Variants in ABCG2 observed in about 807,000 individuals in gnomAD.
ABCG2 encodes the protein ATP binding cassette subfamily G member 2 (JR blood group).
ABCG2 carries 80 observed loss-of-function variants against 73.5 expected under a neutral mutation model. The ratio of observed to expected loss-of-function variants is 1.09; its 90% CI spans 0.91 to 1.31. The LOEUF is 1.31. Among genes scored for constraint, ABCG2 ranks in the 50% most tolerant of loss-of-function variants. The pLI, the probability that ABCG2 is intolerant of heterozygous loss-of-function variation, is 0.00. For missense variants in ABCG2, 796 were observed against 786.2 expected (o/e 1.01, Z -0.15); for synonymous variants, 269 against 282.4 (o/e 0.95, Z 0.48).
Position 88,092,298 on chromosome 4 carries a change from C to G in ABCG2, c.1904G>C (p.Cys635Ser). Residue 635 changes from cysteine (C) to serine (S), a missense_variant, in exon 16 of 16, where the codon TGT becomes TCT. Coordinates refer to ENST00000237612, the MANE Select transcript of ABCG2 (RefSeq NM_004827.3). ...AATTGTGAGGAAAATAACAATCATA[C>G]AAGCCAAGGCCACGTGATTCTTCCA... ...GLWKNHVALA[C>S]MIVIFLTIAY... The G allele has an allele frequency of 6.2e-7, 1 of 1,613,340 alleles. No homozygotes were observed. Among genetic ancestry groups the G allele is most frequent in the Admixed American group, 1.7e-5 (1 of 59,934 alleles).
intron 10 of ABCG2, among the ~76,000 whole-genome samples, chr4:88,102,029 A>G (rs1371288456): frequency 6.6e-6 from 1 of 152,246 alleles, no homozygotes; most frequent in Non-Finnish European, 1.5e-5. Flanking sequence ...AAGTTGAACA[A>G]AGAATGTAAG....
chr4:88,165,689 C>T (rs760265427), intron 1 of ABCG2, among the ~76,000 whole-genome samples: 2 of 152,164 alleles, frequency 1.3e-5, no homozygotes, highest in Non-Finnish European at 2.9e-5. Flanking sequence ...GCCTGGCCAA[C>T]ATAGTGAAAC....
At chr4:88,225,244 G>C (rs147678040) in intron 1 of ABCG2, among the ~76,000 whole-genome samples, 157 of 152,242 alleles carry the variant, frequency 1.0e-3, no homozygotes, top group African/African-American at 3.5e-3. Context: ...CTACTCTGCC[G>C]TTATAGCACT....
Position 88,158,482 on chromosome 4 carries a change from G to A in ABCG2, c.-116C>T, listed in dbSNP as rs1727101225. On this transcript the variant is annotated 5_prime_UTR_variant, in exon 1 of 16. Coordinates refer to ENST00000237612, the MANE Select transcript of ABCG2 (RefSeq NM_004827.3). ...TAACAATTAAGGATGTAAATGTTGGGATGAGTCACCCGGACCTTCCAAACA... is the reference window on the plus strand; with the variant it reads ...TAACAATTAAGGATGTAAATGTTGGAATGAGTCACCCGGACCTTCCAAACA... 6.6e-6 allele frequency: 3 copies of A among 456,206 alleles called. No individual in the cohort carries two copies. The highest frequency in any genetic ancestry group is 1.3e-5 in the Non-Finnish European group (3 of 226,880). The allele number at this position is 456,206 out of a possible 1,614,324, so 28.3% of individuals were successfully genotyped here.
chr4:88,191,087 A>AC (rs1403020275), intron 1 of ABCG2, among the ~76,000 whole-genome samples: 3 of 148,880 alleles, frequency 2.0e-5, no homozygotes, highest in Non-Finnish European at 3.0e-5. Context: ...ATACACACAC[A>AC]AAAAAAAATT....
intron 11 of ABCG2, 47 bp from the exon 12 acceptor site, chr4:88,099,495 G>A: frequency 1.9e-6 from 3 of 1,544,496 alleles, no homozygotes; most frequent in Non-Finnish European, 2.6e-6. Context: ...AGTTTAAGAA[G>A]CCACAGGGCA....
At chr4:88,120,657 G>A (rs1723906438) in intron 6 of ABCG2, among the ~76,000 whole-genome samples, 1 of 152,170 alleles carries the variant, frequency 6.6e-6, no homozygotes. Context: ...TTTGGAACAG[G>A]TGTATTTACC....
At chr4:88,187,724 A>C (rs1578264756) in intron 1 of ABCG2, among the ~76,000 whole-genome samples, 2 of 152,212 alleles carry the variant, frequency 1.3e-5, no homozygotes, top group East Asian at 3.8e-4. Flanking sequence ...TAACCCATAA[A>C]TATATACACC....
chr4:88,185,021 C>T lies in ABCG2; in HGVS notation c.-19-45007G>A, dbSNP rs977697599. 1.6e-4 allele frequency among the ~76,000 whole-genome samples: 25 copies of T among 152,202 alleles called. 1 individual carries two copies. Among genetic ancestry groups the T allele is most frequent in the African/African-American group, 5.8e-4 (24 of 41,452 alleles). The stretch of plus-strand genomic sequence containing the variant: ...CAGAAGAATGAATCTAGACCCCTAT[C>T]TCTTACCATATACAAATATCAAATC... On this transcript the variant is annotated intron_variant, in intron 1 of 15. Coordinates refer to the ABCG2 transcript ENST00000515655.
At chr4:88,146,915 GAA>G in intron 1 of ABCG2, among the ~76,000 whole-genome samples, 1 of 129,450 alleles carries the variant, frequency 7.7e-6, no homozygotes, top group South Asian at 3.0e-4. Context: ...AGGAAGGAAG[GAA>G]GGAAGGAAGA....
At chr4:88,140,120 G>A (rs1725528584) in intron 1 of ABCG2, 106 bp from the exon 2 acceptor site, 3 of 919,378 alleles carry the variant, frequency 3.3e-6, no homozygotes, top group Non-Finnish European at 4.9e-6. Context: ...GTGCGGCAAT[G>A]AGCAGCTTCA....
At chr4:88,202,825 C>T (rs1452883033) in intron 1 of ABCG2, among the ~76,000 whole-genome samples, 1 of 152,056 alleles carries the variant, frequency 6.6e-6, no homozygotes, top group Non-Finnish European at 1.5e-5. Flanking sequence ...CACCACTGCA[C>T]TCCAGCCAGG....
intron 1 of ABCG2, among the ~76,000 whole-genome samples, chr4:88,180,627 A>C (rs1386255202): frequency 6.6e-6 from 1 of 152,158 alleles, no homozygotes; most frequent in Non-Finnish European, 1.5e-5. Flanking sequence ...GTGCACCTGT[A>C]GTAGCAGCTA....
chr4:88,105,050 G>A (rs1300205781), intron 10 of ABCG2, among the ~76,000 whole-genome samples: 1 of 152,058 alleles, frequency 6.6e-6, no homozygotes, highest in African/African-American at 2.4e-5. Flanking sequence ...CATCTACACA[G>A]CACACAAACC....
intron 1 of ABCG2, among the ~76,000 whole-genome samples, chr4:88,204,055 C>T (rs939632813): frequency 1.3e-5 from 2 of 152,090 alleles, no homozygotes; most frequent in Non-Finnish European, 2.9e-5. Context: ...TCTTCCATTT[C>T]TCTAGTTTTC....
intron 1 of ABCG2, among the ~76,000 whole-genome samples, chr4:88,170,653 A>T (rs1727722400): frequency 6.6e-6 from 1 of 152,246 alleles, no homozygotes; most frequent in Non-Finnish European, 1.5e-5. Context: ...CTCTCTCCAG[A>T]AATTGGAAAG....
At chr4:88,101,407 C>T (rs1410396495) in intron 10 of ABCG2, 88 bp from the exon 11 acceptor site, 15 of 1,197,076 alleles carry the variant, frequency 1.3e-5, no homozygotes, top group Middle Eastern at 3.8e-4. Context: ...CCACAAATGA[C>T]AGTGTATAAA....
At chr4:88,165,812 T>A (rs183873124) in intron 1 of ABCG2, among the ~76,000 whole-genome samples, 2 of 151,894 alleles carry the variant, frequency 1.3e-5, no homozygotes, top group Non-Finnish European at 2.9e-5. Context: ...AGGCGGAGGT[T>A]GTGGTGAGCC....
At chr4:88,123,374 G>T (rs1724146655) in intron 5 of ABCG2, among the ~76,000 whole-genome samples, 1 of 151,980 alleles carries the variant, frequency 6.6e-6, no homozygotes, top group Non-Finnish European at 1.5e-5. Flanking sequence ...CCAAGCTAAA[G>T]GTGCATATTC....
Sources: allele counts gnomAD v4.1 joint callset (sites outside exome capture counted in the v4.1 genomes callset), GRCh38; gene constraint gnomAD v4.1.1; transcripts MANE v1.5; gene names NCBI Gene and HGNC (gene_info 2026-07-23, HGNC 2026-07-21).